The following GABRG3 variants were observed in gnomAD, a reference collection of about 807,000 sequenced individuals.
GABRG3 encodes the protein gamma-aminobutyric acid receptor subunit gamma-3.
A neutral mutation model predicts 48.8 loss-of-function variants in GABRG3; 25 were observed. The observed-to-expected ratio is 0.51, with a 90% CI of 0.37 to 0.72. The LOEUF (loss-of-function observed/expected upper bound fraction) is 0.72. GABRG3 is among the 30% of genes least tolerant of loss of function. The pLI is 0.00. For missense variants in GABRG3, 394 were observed against 577.9 expected, an observed-to-expected ratio of 0.68 and a Z score of 3.26; for synonymous variants, 227 against 217.6, an observed-to-expected ratio of 1.04 and a Z score of -0.38.
intron 5 of GABRG3, among the ~76,000 whole-genome samples, chr15:27,438,165 T>C (rs1341469138): frequency 6.6e-6 from 1 of 152,152 alleles, no homozygotes; most frequent in Non-Finnish European, 1.5e-5. Flanking sequence ...ATGAACAGGA[T>C]TTCTGTACGC....
chr15:27,365,471 G>T (rs28727359), intron 5 of GABRG3: 43,137 of 152,058 alleles, frequency 0.28, 6,565 homozygotes, highest in Middle Eastern at 0.38. Context: ...TTAAGACACT[G>T]ACATTTCGTA....
intron 5 of GABRG3, among the ~76,000 whole-genome samples, chr15:27,480,124 C>T (rs1236692895): frequency 6.6e-6 from 1 of 152,192 alleles, no homozygotes; most frequent in Non-Finnish European, 1.5e-5. Flanking sequence ...GAGAAGGGGT[C>T]CCTGAAGCAG....
Position 27,480,711 on chromosome 15 carries a change from C to T in GABRG3, c.636C>T (p.Asp212=). 1 of 1,613,358 alleles carries T rather than the reference C, an allele frequency of 6.2e-7. No homozygotes were observed. The highest frequency in any genetic ancestry group is 1.3e-5 in the African/African-American group (1 of 75,038). Residue 212 remains aspartate, a synonymous_variant, in exon 6 of 10, where the codon GAC becomes GAT. Transcript: ENST00000615808. ...GAAAAAATTCAGTGGAGGCAGCTGACCAGAAATCATGGCGGCTTTATCAGT... is the reference window on the plus strand; with the variant it reads ...GAAAAAATTCAGTGGAGGCAGCTGATCAGAAATCATGGCGGCTTTATCAGT... ...RWRKNSVEAA[D]QKSWRLYQFD... is the part of the protein sequence containing the mutation.
chr15:27,477,109 C>A (rs1353075960), intron 5 of GABRG3, among the ~76,000 whole-genome samples: 1 of 152,142 alleles, frequency 6.6e-6, no homozygotes, highest in Non-Finnish European at 1.5e-5. Context: ...AGACAAGTCA[C>A]ATCCACAAAA....
At chr15:27,305,470 G>A (rs1321611169) in intron 3 of GABRG3, among the ~76,000 whole-genome samples, 1 of 148,558 alleles carries the variant, frequency 6.7e-6, no homozygotes, top group African/African-American at 2.4e-5. Flanking sequence ...TGGATTGTGT[G>A]TGTGTGGTCT....
At chr15:27,279,731 T>C (rs1013091977) in intron 3 of GABRG3, among the ~76,000 whole-genome samples, 1 of 152,132 alleles carries the variant, frequency 6.6e-6, no homozygotes, top group South Asian at 2.1e-4. Context: ...CTTTAAAAAA[T>C]TTTTTTAGCT....
intron 5 of GABRG3, among the ~76,000 whole-genome samples, chr15:27,417,607 C>T (rs1006967582): frequency 2.6e-5 from 4 of 152,234 alleles, no homozygotes; most frequent in Admixed American, 6.5e-5. Context: ...GCTTTCTCTC[C>T]TGTCAACCTA....
At chr15:27,141,709 T>C (rs1898106410) in intron 3 of GABRG3, among the ~76,000 whole-genome samples, 2 of 152,180 alleles carry the variant, frequency 1.3e-5, no homozygotes, top group South Asian at 4.1e-4. Flanking sequence ...AAAATATGTC[T>C]CTCTGATCCT....
intron 2 of GABRG3, among the ~76,000 whole-genome samples, chr15:26,990,033 C>T (rs934987846): frequency 2.0e-5 from 3 of 152,156 alleles, no homozygotes; most frequent in Admixed American, 2.0e-4. Context: ...TGTTCATGGA[C>T]ACTTAGGTTG....
intron 3 of GABRG3, among the ~76,000 whole-genome samples, chr15:27,268,102 G>A (rs949790163): frequency 2.6e-5 from 4 of 152,156 alleles, no homozygotes; most frequent in Admixed American, 1.3e-4. Flanking sequence ...TGGAAGGTGT[G>A]TAGACAGTAG....
intron 3 of GABRG3, among the ~76,000 whole-genome samples, chr15:27,098,891 G>C (rs1443639341): frequency 6.6e-6 from 1 of 151,978 alleles, no homozygotes; most frequent in African/African-American, 2.4e-5. Flanking sequence ...AAAAGTCCCT[G>C]GTCATGACAA....
intron 3 of GABRG3, among the ~76,000 whole-genome samples, chr15:27,193,248 G>A (rs865970405): frequency 6.6e-6 from 1 of 152,092 alleles, no homozygotes. Context: ...TCTCTTCAAA[G>A]CTGTCAGACA....
rs115419187 is a variant in GABRG3, at chr15:27,101,162, C to G, written c.270+74341C>G. Among the ~76,000 whole-genome samples, 439 of 152,064 alleles carry G rather than the reference C, an allele frequency of 2.9e-3. 4 individuals carry two copies. Among genetic ancestry groups the G allele is most frequent in the African/African-American group, 9.9e-3 (412 of 41,488 alleles). On this transcript the variant is annotated intron_variant, in intron 3 of 9. Transcript: ENST00000615808. ...ATTCAGTTACATTTGTATATAATAA[C>G]AAAAATCATGTGAAAACCAAAATTA...
chr15:27,014,787 T>G (rs1266825275), intron 2 of GABRG3, among the ~76,000 whole-genome samples: 1 of 152,144 alleles, frequency 6.6e-6, no homozygotes, highest in Non-Finnish European at 1.5e-5. Flanking sequence ...TAGGTCCAGT[T>G]GGTTTGTAGT....
At position 26,974,287 on chromosome 15, in the gene GABRG3, C is replaced by T. The variant is rs1894897065; in HGVS notation, c.53+2699C>T. On this transcript the variant is annotated intron_variant, in intron 1 of 9. Transcript: ENST00000615808. This position sits in a 1 kb window ranked among gnomAD's most constrained non-coding sequence, Gnocchi z 4.3. Reference sequence around the variant, plus strand: ...CTGGCCTCTAAGGAGGAAGCGCTTGCAATTTCAGGAAAACCCTCTCATCAC... The same window carrying T: ...CTGGCCTCTAAGGAGGAAGCGCTTGTAATTTCAGGAAAACCCTCTCATCAC... 6.6e-6 allele frequency among the ~76,000 whole-genome samples: 1 copy of T among 152,164 alleles called. No individual in the cohort carries two copies.
In GABRG3 at chr15:27,518,195, C is replaced by CAAAAAAA. The variant is rs58222645; in HGVS notation, c.713-1762_713-1756dup. Among the ~76,000 whole-genome samples the CAAAAAAA allele has an allele frequency of 3.4e-3, 298 of 87,998 alleles. 4 individuals are homozygous for CAAAAAAA. The highest frequency in any genetic ancestry group is 0.011 in the African/African-American group (250 of 23,446). The allele number at this position is 87,998 out of a possible 152,430, so 57.7% of individuals were successfully genotyped here. A position where few individuals can be genotyped will look rare whatever the true frequency, so the allele number is the denominator to read the frequency against. ...TGAAACCCCAACTCTACTAAAAATA[C>CAAAAAAA]AAAAAAAAAAAAAAAAAAAAAGAAT... On this transcript the variant is annotated intron_variant, in intron 6 of 9. Transcript: ENST00000615808.
chr15:27,493,952 G>A (rs541957690), intron 6 of GABRG3, among the ~76,000 whole-genome samples: 1 of 152,212 alleles, frequency 6.6e-6, no homozygotes, highest in African/African-American at 2.4e-5. Context: ...ACTAAGGCTT[G>A]GCTCTCGATT....
At chr15:27,387,989 G>GGGAA (rs1895995539) in intron 5 of GABRG3, among the ~76,000 whole-genome samples, 1 of 67,308 alleles carries the variant, frequency 1.5e-5, no homozygotes, top group Non-Finnish European at 2.9e-5. Flanking sequence ...AAGGAGGGAG[G>GGGAA]GTAAGGAAGG....
intron 3 of GABRG3, among the ~76,000 whole-genome samples, chr15:27,230,260 T>C (rs1424523719): frequency 6.6e-6 from 1 of 152,220 alleles, no homozygotes; most frequent in Non-Finnish European, 1.5e-5. Flanking sequence ...GTAGAATGAT[T>C]CTGAGATGCA....
Sources: allele counts gnomAD v4.1 joint callset (sites outside exome capture counted in the v4.1 genomes callset), GRCh38; gene constraint gnomAD v4.1.1; non-coding constraint Gnocchi (gnomAD v3.1); transcripts MANE v1.5; gene names NCBI Gene and HGNC (gene_info 2026-07-23, HGNC 2026-07-21).